PCDHA3: variants seen among roughly 807,000 people sequenced by gnomAD.
The protein encoded by PCDHA3 is protocadherin alpha 3, also known as protocadherin alpha-3.
A neutral mutation model predicts 62.2 loss-of-function variants in PCDHA3; 41 were observed. The ratio of observed to expected loss-of-function variants is 0.66; its 90% CI spans 0.51 to 0.86. The LOEUF is 0.86. Among genes scored for constraint, PCDHA3 ranks in the 40% least tolerant of loss-of-function variants. The probability of loss-of-function intolerance (pLI) is 0.00; values close to 1 mark genes in which losing one functional copy is unlikely to be tolerated. For missense variants in PCDHA3, 1,304 were observed against 1,241.2 expected (o/e 1.05, Z -0.76); for synonymous variants, 640 against 555.4 (o/e 1.15, Z -2.14).
At chr5:140,934,590 G>T (rs1305372783) in intron 1 of PCDHA3, among the ~76,000 whole-genome samples, 4 of 151,886 alleles carry the variant, frequency 2.6e-5, no homozygotes, top group Admixed American at 2.6e-4. Context: ...TCTGTAATGG[G>T]TCTTCAACTA....
intron 1 of PCDHA3, among the ~76,000 whole-genome samples, chr5:140,975,268 G>C (rs1054634006): frequency 6.6e-6 from 1 of 152,102 alleles, no homozygotes; most frequent in African/African-American, 2.4e-5. Flanking sequence ...TCTGATTTCT[G>C]TCTCTGACCT....
rs1256665914 is a variant in PCDHA3 at position 140,917,331 on chromosome 5, G to A, written c.2395-61618G>A. On this transcript the variant is annotated intron_variant, in intron 1 of 3. Transcript: ENST00000522353. ...AATTTGGTGTTCATGTGGCGGGGGA[G>A]GGGGGGGATGGTGTAGGCTTCTGTT... Among the ~76,000 whole-genome samples the A allele has an allele frequency of 5.8e-5, 8 of 137,654 alleles. 1 individual carries two copies. The East Asian group carries it at 6.7e-4, about 12-fold the overall frequency. 90.3% of individuals were successfully genotyped at this position (137,654 alleles called of 152,430 possible).
Position 140,829,594 on chromosome 5 carries a change from G to C in PCDHA3, c.2394+26003G>C. The C allele has an allele frequency of 1.2e-6, 2 of 1,611,982 alleles. No individual in the cohort carries two copies. The highest frequency in any genetic ancestry group is 1.7e-6 in the Non-Finnish European group (2 of 1,179,774). On this transcript the variant is annotated intron_variant, in intron 1 of 3. Coordinates refer to ENST00000522353, the MANE Select transcript of PCDHA3 (RefSeq NM_018906.3). The stretch of plus-strand genomic sequence containing the variant: ...CGCTGGTGGAGCGGCGGGTGGGCGA[G>C]CGCGCGTTGTCGAGCTACATTTCGG...
At chr5:140,863,357 G>A (rs1320011614) in intron 1 of PCDHA3, 2 of 1,259,586 alleles carry the variant, frequency 1.6e-6, no homozygotes, top group South Asian at 1.2e-5. Context: ...ACGACGCTGC[G>A]GTGCTTGGCG....
intron 1 of PCDHA3, chr5:140,860,694 G>T (rs1263105739): frequency 2.6e-5 from 4 of 152,196 alleles, no homozygotes; most frequent in African/African-American, 7.2e-5. Context: ...TGAGCGACAG[G>T]ATATTGTTGT....
At chr5:140,825,234 G>C (rs1554130170) in intron 1 of PCDHA3, 2 of 150,892 alleles carry the variant, frequency 1.3e-5, no homozygotes, top group African/African-American at 4.9e-5. Context: ...CTTTTATCTG[G>C]ATCTATGGTG....
At chr5:140,979,826 G>A (rs1338756237) in intron 2 of PCDHA3, among the ~76,000 whole-genome samples, 1 of 152,184 alleles carries the variant, frequency 6.6e-6, no homozygotes, top group East Asian at 1.9e-4. Context: ...TAATTTTAAA[G>A]AAGAAATAAT....
intron 1 of PCDHA3, chr5:140,834,595 G>T: frequency 6.2e-7 from 1 of 1,614,156 alleles, no homozygotes; most frequent in Non-Finnish European, 8.5e-7. Context: ...TGCAAATTCC[G>T]TGGGGATCTT....
intron 1 of PCDHA3, among the ~76,000 whole-genome samples, chr5:140,901,330 C>T (rs576918477): frequency 6.6e-6 from 1 of 152,108 alleles, no homozygotes; most frequent in African/African-American, 2.4e-5. Flanking sequence ...TTCTTGTAGT[C>T]GTTTTATAGT....
At chr5:140,940,199 A>G (rs1253658459) in intron 1 of PCDHA3, among the ~76,000 whole-genome samples, 2 of 152,136 alleles carry the variant, frequency 1.3e-5, no homozygotes, top group Non-Finnish European at 2.9e-5. Flanking sequence ...CATGGGTGTA[A>G]AATTCAAGAT....
chr5:140,855,926 G>A lies in PCDHA3; in HGVS notation c.2394+52335G>A, dbSNP rs1420815177. On this transcript the variant is annotated intron_variant, in intron 1 of 3. Transcript: ENST00000522353. ...AGTTTCTCAAGGACTAGGAAGTAGC[G>A]TCATTCTGAGATCTCAGCCATTTCG... is the stretch of plus-strand genomic sequence containing the variant. 2.4e-6 allele frequency: 3 copies of A among 1,256,218 alleles called. 1 individual carries two copies. The highest frequency in any genetic ancestry group is 3.3e-6 in the Non-Finnish European group (3 of 905,286). 77.8% of individuals were successfully genotyped at this position (1,256,218 alleles called of 1,614,324 possible). A position where few individuals can be genotyped will look rare whatever the true frequency, so the allele number is the denominator to read the frequency against.
At chr5:140,886,403 AT>A (rs1196342524) in intron 1 of PCDHA3, among the ~76,000 whole-genome samples, 19 of 152,184 alleles carry the variant, frequency 1.2e-4, no homozygotes, top group African/African-American at 4.6e-4. Context: ...CATCACAAAT[AT>A]GTTTTCCTCC....
At chr5:140,947,252 T>A (rs1554218120) in intron 1 of PCDHA3, among the ~76,000 whole-genome samples, 1 of 151,596 alleles carries the variant, frequency 6.6e-6, no homozygotes, top group Non-Finnish European at 1.5e-5. Flanking sequence ...GATAATCCAA[T>A]GTACCATTTG....
intron 1 of PCDHA3, among the ~76,000 whole-genome samples, chr5:140,937,688 G>A (rs112584533): frequency 0.018 from 2,711 of 151,860 alleles, 77 homozygotes; most frequent in African/African-American, 0.063. Context: ...TGAGGCAGGC[G>A]GATCACGAGG....
At chr5:140,953,959 C>T (rs2094958753) in intron 1 of PCDHA3, among the ~76,000 whole-genome samples, 1 of 152,044 alleles carries the variant, frequency 6.6e-6, no homozygotes, top group South Asian at 2.1e-4. Flanking sequence ...CAACAGGCCC[C>T]AGTGTGTGTT....
At chr5:140,969,146 AAGGCCTGTCTGACAGC>A in intron 1 of PCDHA3, 1 of 1,614,170 alleles carries the variant, frequency 6.2e-7, no homozygotes, top group Non-Finnish European at 8.5e-7. Flanking sequence ...CTACTGCTAC[AAGGCCTGTCTGACAGC>A]AGGCTCAGGG....
chr5:140,938,760 T>C (rs574872397), intron 1 of PCDHA3, among the ~76,000 whole-genome samples: 2 of 152,286 alleles, frequency 1.3e-5, no homozygotes, highest in Admixed American at 1.3e-4. Flanking sequence ...GCATAGTTAT[T>C]GGGTACTAGA....
At chr5:140,814,561 G>T (rs1385354330) in intron 1 of PCDHA3, 1 of 151,692 alleles carries the variant, frequency 6.6e-6, no homozygotes, top group Non-Finnish European at 1.5e-5. Flanking sequence ...TCTGTATCAA[G>T]TATTATGTAC....
intron 1 of PCDHA3, chr5:140,877,982 T>C (rs1320294784): frequency 1.6e-6 from 2 of 1,221,162 alleles, no homozygotes; most frequent in African/African-American, 3.1e-5. Context: ...CTTACTCATT[T>C]TGAACTTTTA....
Sources: allele counts gnomAD v4.1 joint callset (sites outside exome capture counted in the v4.1 genomes callset), GRCh38; gene constraint gnomAD v4.1.1; transcripts MANE v1.5; gene names NCBI Gene and HGNC (gene_info 2026-07-23, HGNC 2026-07-21).